PIEZO2: variants seen among roughly 807,000 people sequenced by gnomAD.
The protein encoded by PIEZO2 is piezo type mechanosensitive ion channel component 2, also known as piezo-type mechanosensitive ion channel component 2.
In PIEZO2, 172 loss-of-function variants were observed where a neutral mutation model predicts 337.3. That is an observed-to-expected ratio of 0.51 (90% CI 0.45 to 0.58). PIEZO2 has a LOEUF of 0.58. PIEZO2 is among the 20% of genes least tolerant of loss of function. The pLI is 0.00. For synonymous variants in PIEZO2, 1,251 were observed against 1,228.5 expected (o/e 1.02, Z -0.38); for missense variants, 3,028 against 3,391.3 (o/e 0.89, Z 2.66).
rs1278889691 is a variant in PIEZO2, at chr18:10,847,745, G to A, written c.917+7608C>T. Among the ~76,000 whole-genome samples, 3 of 152,138 alleles carry A rather than the reference G, an allele frequency of 2.0e-5. No individual in the cohort carries two copies. Among genetic ancestry groups the A allele is most frequent in the Admixed American group, 1.3e-4 (2 of 15,278 alleles). ...ATAAGCATAAATGAACTCTGAATGA[G>A]ACCTGTAGAATAAGTCACTTCATCA... On this transcript the variant is annotated intron_variant, in intron 7 of 55. Coordinates refer to ENST00000674853, the MANE Select transcript of PIEZO2 (RefSeq NM_001378183.1). The surrounding 1 kb of genome is among the most constrained non-coding windows in gnomAD (Gnocchi z 5.7).
Position 11,101,832 on chromosome 18 carries a change from T to C in PIEZO2, c.65-35610A>G, listed in dbSNP as rs1040433573. 6.6e-5 allele frequency among the ~76,000 whole-genome samples: 10 copies of C among 152,192 alleles called. No individual in the cohort carries two copies. The highest frequency in any genetic ancestry group is 2.4e-4 in the African/African-American group (10 of 41,428). On this transcript the variant is annotated intron_variant, in intron 1 of 55. Transcript: ENST00000674853. The surrounding 1 kb of genome is among the most constrained non-coding windows in gnomAD (Gnocchi z 4.4). ...CCTCGGCTACTCCCATGCTAAATTTTTGGGACACACAAGCTCTTGTACTCT... is the reference window on the plus strand; with the variant it reads ...CCTCGGCTACTCCCATGCTAAATTTCTGGGACACACAAGCTCTTGTACTCT...
rs2040715072 is a variant in PIEZO2 at position 11,143,566 on chromosome 18, C to T, written c.64+4959G>A. 6.7e-6 allele frequency among the ~76,000 whole-genome samples: 1 copy of T among 150,330 alleles called. No homozygotes were observed. Among genetic ancestry groups the T allele is most frequent in the African/African-American group, 2.5e-5 (1 of 40,804 alleles). ...TGCAGATTTGGAATATTGAGTAAAA[C>T]TGGTGAGAAAAATCCTGAGAACTAA... On this transcript the variant is annotated intron_variant, in intron 1 of 55. Coordinates refer to ENST00000674853, the MANE Select transcript of PIEZO2 (RefSeq NM_001378183.1). This position sits in a 1 kb window ranked among gnomAD's most constrained non-coding sequence, Gnocchi z 4.9.
At chr18:11,065,369 C>T (rs531290797) in intron 2 of PIEZO2, among the ~76,000 whole-genome samples, 8 of 152,344 alleles carry the variant, frequency 5.3e-5, no homozygotes, top group African/African-American at 1.7e-4. Context: ...GGCCGTACTT[C>T]TCATAACGGT....
In PIEZO2 at chr18:11,009,601, C is replaced by G. The variant is rs900714029; in HGVS notation, c.161-29941G>C. Reference sequence around the variant, plus strand: ...ATCATTACACTTCTTTGGTATCATACGAAGTAATAATATATGTGGGCACTA... The same window carrying G: ...ATCATTACACTTCTTTGGTATCATAGGAAGTAATAATATATGTGGGCACTA... On this transcript the variant is annotated intron_variant, in intron 2 of 55. Transcript: ENST00000674853. This position sits in a 1 kb window ranked among gnomAD's most constrained non-coding sequence, Gnocchi z 4.6. 6.6e-6 allele frequency among the ~76,000 whole-genome samples: 1 copy of G among 152,126 alleles called. No homozygotes were observed. Among genetic ancestry groups the G allele is most frequent in the African/African-American group, 2.4e-5 (1 of 41,416 alleles).
intron 31 of PIEZO2, among the ~76,000 whole-genome samples, chr18:10,743,088 C>A (rs553397066): frequency 2.2e-4 from 33 of 152,134 alleles, no homozygotes; most frequent in Non-Finnish European, 4.1e-4. Context: ...AAACATGAGT[C>A]CAAATTTGTT....
chr18:10,921,055 AAAAC>A (rs886857913), intron 3 of PIEZO2, among the ~76,000 whole-genome samples: 2 of 152,160 alleles, frequency 1.3e-5, no homozygotes, highest in African/African-American at 4.8e-5. Context: ...CTCCGTCTCA[AAAAC>A]AAACAAACAA....
chr18:10,952,876 T>C lies in PIEZO2; in HGVS notation c.286+26659A>G, dbSNP rs574534054. Among the ~76,000 whole-genome samples, 1 of 114,636 alleles carries C rather than the reference T, an allele frequency of 8.7e-6. No individual in the cohort carries two copies. The highest frequency in any genetic ancestry group is 2.8e-5 in the African/African-American group (1 of 35,508). The allele number at this position is 114,636 out of a possible 152,430, so 75.2% of individuals were successfully genotyped here. ...ATTTGGAATGCCTTCCCTTCCTTCC[T>C]TCCTTCCTTTCATCCCTCCCTCCAT... On this transcript the variant is annotated intron_variant, in intron 3 of 55. Coordinates refer to ENST00000674853, the MANE Select transcript of PIEZO2 (RefSeq NM_001378183.1). This position sits in a 1 kb window ranked among gnomAD's most constrained non-coding sequence, Gnocchi z 4.1.
chr18:11,147,947 TTTTG>T (rs1212499677), intron 1 of PIEZO2, among the ~76,000 whole-genome samples: 2 of 152,222 alleles, frequency 1.3e-5, no homozygotes, highest in Non-Finnish European at 2.9e-5. Context: ...CATCCAGTAC[TTTTG>T]TAGTAGGGGC....
rs1280442404 is a variant in PIEZO2 at position 10,672,214 on chromosome 18, A to G, written c.8346-435T>C. On this transcript the variant is annotated intron_variant, in intron 55 of 55. Coordinates refer to ENST00000674853, the MANE Select transcript of PIEZO2 (RefSeq NM_001378183.1). This position sits in a 1 kb window ranked among gnomAD's most constrained non-coding sequence, Gnocchi z 4.7. ...AATTTTTATAAAATTCTGGGTGAAA[A>G]TCATTTCTTATGAGGCTAACTTTGA... 6.6e-6 allele frequency among the ~76,000 whole-genome samples: 1 copy of G among 152,144 alleles called. No homozygotes were observed. Among genetic ancestry groups the G allele is most frequent in the Non-Finnish European group, 1.5e-5 (1 of 68,036 alleles).
Position 10,762,546 on chromosome 18 carries a change from T to G in PIEZO2, c.3203A>C (p.Glu1068Ala), listed in dbSNP as rs2038179305. The change falls in exon 23 of 56, where the codon GAG becomes GCG. Residue 1068 changes from glutamate to alanine, a missense_variant. This residue lies in a region of PIEZO2 where 1,925 missense variants were observed against 2,051.9 expected (regional missense o/e 0.94). Transcript: ENST00000674853. ...CGAAGACTTCCGCAGGCCGACCCACTCTGTAGGATCGATAGGAGCGCTGTA... is the reference window on the plus strand; with the variant it reads ...CGAAGACTTCCGCAGGCCGACCCACGCTGTAGGATCGATAGGAGCGCTGTA... The part of the protein sequence containing the change: ...LLYSAPIDPT[E>A]WVGLRKSSPL... The G allele has an allele frequency of 4.6e-6, 7 of 1,537,188 alleles. No homozygotes were observed. The highest frequency in any genetic ancestry group is 6.1e-6 in the Non-Finnish European group (7 of 1,146,948).
rs1021811203 is a variant in PIEZO2, at chr18:10,726,602, A to G, written c.5029+4805T>C. 7.5e-6 allele frequency: 10 copies of G among 1,338,414 alleles called. No individual in the cohort carries two copies. In the African/African-American group the frequency reaches 1.3e-4, roughly 17 times the overall value. 82.9% of individuals were successfully genotyped at this position (1,338,414 alleles called of 1,614,324 possible). ...CAGCTCTTCCAGGACCTGGCGCGCT[A>G]CGTGCGGGACGCCGACGTGCGCTGG... On this transcript the variant is annotated intron_variant, in intron 36 of 55. Coordinates refer to ENST00000674853, the MANE Select transcript of PIEZO2 (RefSeq NM_001378183.1). This position sits in a 1 kb window ranked among gnomAD's most constrained non-coding sequence, Gnocchi z 5.9.
At chr18:10,883,284 C>T (rs548397808) in intron 4 of PIEZO2, among the ~76,000 whole-genome samples, 2 of 152,120 alleles carry the variant, frequency 1.3e-5, no homozygotes, top group African/African-American at 2.4e-5. Flanking sequence ...TATATATACC[C>T]AGCAATGGGA....
rs1354563797 is a variant in PIEZO2 at position 10,673,080 on chromosome 18, G to T, written c.8162-207C>A. Among the ~76,000 whole-genome samples, 1 of 152,158 alleles carries T rather than the reference G, an allele frequency of 6.6e-6. No homozygotes were observed. The highest frequency in any genetic ancestry group is 1.5e-5 in the Non-Finnish European group (1 of 68,036). ...TGATTTTTCCTTTTCAGTGAGAGAG[G>T]TCAGCCGCTGTTGCTACATGGGCAT... On this transcript the variant is annotated intron_variant, in intron 54 of 55. Transcript: ENST00000674853. This position sits in a 1 kb window ranked among gnomAD's most constrained non-coding sequence, Gnocchi z 4.8.
chr18:10,974,696 T>C (rs1446678351), intron 3 of PIEZO2, among the ~76,000 whole-genome samples: 3 of 152,194 alleles, frequency 2.0e-5, no homozygotes, highest in African/African-American at 7.2e-5. Flanking sequence ...ATTTGCCCTC[T>C]AGAGCCCGTT....
At chr18:10,822,070 G>A (rs927274465) in intron 7 of PIEZO2, among the ~76,000 whole-genome samples, 1 of 152,192 alleles carries the variant, frequency 6.6e-6, no homozygotes, top group Admixed American at 6.5e-5. Context: ...ATTTGTAAAT[G>A]TAACAGAAAA....
In PIEZO2 at chr18:11,070,173, C is replaced by A. The variant is rs2145932891; in HGVS notation, c.65-3951G>T. Among the ~76,000 whole-genome samples, 1 of 152,240 alleles carries A rather than the reference C, an allele frequency of 6.6e-6. No homozygotes were observed. The highest frequency in any genetic ancestry group is 1.9e-4 in the East Asian group (1 of 5,184). ...TATGGTGTAGCCTACTGCTCCTAGG[C>A]CAAAAACCTATGCAGCATATGTTAC... On this transcript the variant is annotated intron_variant, in intron 1 of 55. Transcript: ENST00000674853. The surrounding 1 kb of genome is among the most constrained non-coding windows in gnomAD (Gnocchi z 4.3).
intron 37 of PIEZO2, among the ~76,000 whole-genome samples, chr18:10,717,640 G>A (rs561664077): frequency 6.6e-6 from 1 of 152,258 alleles, no homozygotes; most frequent in South Asian, 2.1e-4. Flanking sequence ...ATACTATGAG[G>A]AGCCCAAATG....
In PIEZO2 at chr18:10,888,368, A is replaced by C. The variant is rs926610316; in HGVS notation, c.330-16953T>G. On this transcript the variant is annotated intron_variant, in intron 4 of 55. Transcript: ENST00000674853. This position sits in a 1 kb window ranked among gnomAD's most constrained non-coding sequence, Gnocchi z 4.1. The stretch of plus-strand genomic sequence containing the variant: ...ACTGTGCATTCTTCTACTTTCTGAC[A>C]CAGTAAGGTTTTTAGGCCTGTCTTC... 9.2e-5 allele frequency among the ~76,000 whole-genome samples: 14 copies of C among 152,212 alleles called. 1 individual carries two copies. The highest frequency in any genetic ancestry group is 8.5e-4 in the Admixed American group (13 of 15,288).
In PIEZO2 at chr18:10,696,523, C is replaced by T; in HGVS notation, c.6844G>A (p.Val2282Met). 6.2e-7 allele frequency: 1 copy of T among 1,613,560 alleles called. No individual in the cohort carries two copies. The highest frequency in any genetic ancestry group is 8.5e-7 in the Non-Finnish European group (1 of 1,179,980). ...FTIKKTLEIYVPIKQFFYNLI... is the reference protein window; with the variant it reads ...FTIKKTLEIYMPIKQFFYNLI... ...TTGTAAAAGAACTGTTTGATGGGCA[C>T]ATAGATCTCCAGCGTCCTGCAAAAT... The change falls in exon 46 of 56, where the codon GTG becomes ATG. Residue 2282 changes from valine (V) to methionine (M), a missense_variant. Physicochemically the swap from Val to Met is conservative, Grantham distance 21. Transcript: ENST00000674853.
Sources: allele counts gnomAD v4.1 joint callset (sites outside exome capture counted in the v4.1 genomes callset), GRCh38; gene constraint gnomAD v4.1.1; regional missense constraint gnomAD v4.1.1; non-coding constraint Gnocchi (gnomAD v3.1); transcripts MANE v1.5; gene names NCBI Gene and HGNC (gene_info 2026-07-23, HGNC 2026-07-21).